The following DIS3L2 variants were observed in gnomAD, a reference collection of about 807,000 sequenced individuals.
DIS3L2 encodes the protein DIS3-like exonuclease 2.
Under a neutral mutation model 97.5 loss-of-function variants are expected in DIS3L2, and 34 were observed. The observed-to-expected ratio is 0.35, with a 90% CI of 0.27 to 0.46. DIS3L2 has a LOEUF of 0.46. Ranked by LOEUF, DIS3L2 falls within the 20% of genes least tolerant of loss-of-function variation. The pLI, the probability that DIS3L2 is intolerant of heterozygous loss-of-function variation, is 1.00. For synonymous variants in DIS3L2, 435 were observed against 445.2 expected, an observed-to-expected ratio of 0.98 and a Z score of 0.29; for missense variants, 1,038 against 1,146.0, an observed-to-expected ratio of 0.91 and a Z score of 1.36.
chr2:232,075,687 A>G (rs531003484), intron 5 of DIS3L2, among the ~76,000 whole-genome samples: 1 of 152,278 alleles, frequency 6.6e-6, no homozygotes, highest in South Asian at 2.1e-4. Context: ...CTTATATGTA[A>G]CTGCTCCTAA....
At position 232,337,081 on chromosome 2, in the gene DIS3L2, T is replaced by TCAA; in HGVS notation, c.*454_*456dup. 9.7e-7 allele frequency: 1 copy of TCAA among 1,028,858 alleles called. No individual in the cohort carries two copies. The highest frequency in any genetic ancestry group is 1.2e-6 in the Non-Finnish European group (1 of 858,852). The allele number at this position is 1,028,858 out of a possible 1,614,324, so 63.7% of individuals were successfully genotyped here. On this transcript the variant is annotated 3_prime_UTR_variant, in exon 21 of 21. Coordinates refer to ENST00000325385, the MANE Select transcript of DIS3L2 (RefSeq NM_152383.5). ...TTCACCCCTCGCTGCTGAGCCGATG[T>TCAA]CAACACCTGGAACTTTCCTGTCAGT...
At chr2:232,136,301 A>G (rs545535332) in intron 7 of DIS3L2, among the ~76,000 whole-genome samples, 171 bp from the exon 8 acceptor site, 1 of 152,304 alleles carries the variant, frequency 6.6e-6, no homozygotes, top group Admixed American at 6.5e-5. Flanking sequence ...GGTACTTCTT[A>G]CAACTTAAAT....
chr2:232,278,924 A>G (rs1202304362), intron 13 of DIS3L2, among the ~76,000 whole-genome samples: 1 of 152,036 alleles, frequency 6.6e-6, no homozygotes, highest in Non-Finnish European at 1.5e-5. Flanking sequence ...CTCATCAGCA[A>G]TTTTTTGTTT....
At position 232,249,274 on chromosome 2, in the gene DIS3L2, G is replaced by C. The variant is rs1413480231; in HGVS notation, c.1353G>C (p.Glu451Asp). The change falls in exon 12 of 21, where the codon GAG (glutamate) becomes GAC (aspartate). Residue 451 changes from glutamate to aspartate, a missense_variant. By Grantham distance (45) the Glu-to-Asp change is conservative. Around this residue, in one of 3 missense-constraint regions of DIS3L2, gnomAD observed 813 missense variants for 880.1 expected, o/e 0.92. Coordinates refer to ENST00000325385, the MANE Select transcript of DIS3L2 (RefSeq NM_152383.5). Reference sequence around the variant, plus strand: ...TGCTTCCCAGGCTGCTGTGTGAGGAGCTGTGCAGCCTCAACCCCATGTCCG... The same window carrying C: ...TGCTTCCCAGGCTGCTGTGTGAGGACCTGTGCAGCCTCAACCCCATGTCCG... ...VPMLPRLLCEELCSLNPMSDK... is the reference protein window; with the variant it reads ...VPMLPRLLCEDLCSLNPMSDK... The C allele has an allele frequency of 6.2e-7, 1 of 1,614,202 alleles. No homozygotes were observed. Among genetic ancestry groups the C allele is most frequent in the South Asian group, 1.1e-5 (1 of 91,084 alleles).
At chr2:232,215,411 C>T (rs974093197) in intron 10 of DIS3L2, among the ~76,000 whole-genome samples, 1 of 152,170 alleles carries the variant, frequency 6.6e-6, no homozygotes, top group South Asian at 2.1e-4. Flanking sequence ...TAAGTTAGAA[C>T]AGCATCCAGC....
At chr2:231,994,572 C>T (rs1693678604) in intron 1 of DIS3L2, among the ~76,000 whole-genome samples, 1 of 152,048 alleles carries the variant, frequency 6.6e-6, no homozygotes, top group African/African-American at 2.4e-5. Context: ...ACCCTCCCTG[C>T]TTTATAGTTA....
At chr2:232,343,417 C>A in exon 14 of DIS3L2, 3 of 1,555,962 alleles carry the variant, frequency 1.9e-6, no homozygotes, top group Non-Finnish European at 2.6e-6. Context: ...TGCAGAAGCA[C>A]AGCCCTCCAC....
chr2:231,988,321 A>C (rs1283391718), intron 1 of DIS3L2, among the ~76,000 whole-genome samples: 1 of 152,210 alleles, frequency 6.6e-6, no homozygotes, highest in Non-Finnish European at 1.5e-5. Flanking sequence ...ATGAATGTGG[A>C]ACTTAATTTC....
intron 8 of DIS3L2, among the ~76,000 whole-genome samples, chr2:232,141,815 CT>C (rs1418557486): frequency 6.6e-6 from 1 of 152,132 alleles, no homozygotes; most frequent in Non-Finnish European, 1.5e-5. Context: ...GAAGCAAATA[CT>C]TTTACATTCC....
At chr2:232,284,896 CAG>C (rs2106305306) in intron 13 of DIS3L2, among the ~76,000 whole-genome samples, 1 of 152,274 alleles carries the variant, frequency 6.6e-6, no homozygotes, top group Admixed American at 6.5e-5. Context: ...CTGCACACCA[CAG>C]AGAGAATGCT....
At position 232,336,601 on chromosome 2, in the gene DIS3L2, G is replaced by C. The variant is rs765768186; in HGVS notation, c.2629G>C (p.Gly877Arg). 7 of 1,607,650 alleles carry C rather than the reference G, an allele frequency of 4.4e-6. No individual in the cohort carries two copies. The highest frequency in any genetic ancestry group is 1.3e-5 in the African/African-American group (1 of 75,004). Residue 877 changes from glycine to arginine, a missense_variant, in exon 21 of 21, where the codon GGT becomes CGT. Gly to Arg is a moderately radical substitution (Grantham distance 125). Transcript: ENST00000325385. The part of the protein sequence containing the change: ...GPEKEEEESD[G>R]EPEDSSTS ...TGAGAAGGAGGAGGAGGAGTCTGAC[G>C]GTGAGCCCGAGGACTCAAGCACCAG...
intron 11 of DIS3L2, among the ~76,000 whole-genome samples, chr2:232,241,910 A>G (rs1031398993): frequency 6.6e-6 from 1 of 152,222 alleles, no homozygotes; most frequent in Non-Finnish European, 1.5e-5. Flanking sequence ...ATGTTATTTT[A>G]GGTGCGAAAC....
rs140359899 is a variant in DIS3L2 at position 232,035,133 on chromosome 2, A to T, written c.366+5053A>T. On this transcript the variant is annotated intron_variant, in intron 5 of 20. Transcript: ENST00000325385. ...TCCCACTATTATTGTGTGGGAGTCT[A>T]AGTCTCTTTATAGGTCTCTAAGAGC... 9.8e-5 allele frequency among the ~76,000 whole-genome samples: 15 copies of T among 152,324 alleles called. No individual in the cohort carries two copies. The East Asian group carries it at 2.9e-3, about 29-fold the overall frequency.
At chr2:232,202,313 G>A (rs1055177188) in intron 9 of DIS3L2, among the ~76,000 whole-genome samples, 12 of 152,256 alleles carry the variant, frequency 7.9e-5, no homozygotes, top group African/African-American at 2.6e-4. Context: ...CAGGAGAACC[G>A]CTTGAACCTG....
intron 5 of DIS3L2, among the ~76,000 whole-genome samples, chr2:232,048,100 TGTG>T (rs1483650583): frequency 1.3e-5 from 2 of 152,220 alleles, no homozygotes; most frequent in South Asian, 4.1e-4. Flanking sequence ...TATTGGGTCA[TGTG>T]GTGACTCCAT....
At chr2:232,130,150 TATA>T (rs1387421228) in intron 6 of DIS3L2, among the ~76,000 whole-genome samples, 2 of 152,192 alleles carry the variant, frequency 1.3e-5, no homozygotes, top group Non-Finnish European at 2.9e-5. Context: ...ATTTAATAAA[TATA>T]ATCTATTTTC....
chr2:232,141,508 C>G (rs1690038005), intron 8 of DIS3L2, among the ~76,000 whole-genome samples: 1 of 152,058 alleles, frequency 6.6e-6, no homozygotes, highest in African/African-American at 2.4e-5. Context: ...TAGGTCATTA[C>G]AGGCTGAGAA....
chr2:231,999,006 C>G (rs1693803291), intron 1 of DIS3L2, among the ~76,000 whole-genome samples: 1 of 152,138 alleles, frequency 6.6e-6, no homozygotes, highest in Non-Finnish European at 1.5e-5. Context: ...GCAAGATATT[C>G]TAGGCCAGGG....
At chr2:232,110,103 C>G (rs1373942692) in intron 6 of DIS3L2, among the ~76,000 whole-genome samples, 1 of 152,024 alleles carries the variant, frequency 6.6e-6, no homozygotes, top group Non-Finnish European at 1.5e-5. Flanking sequence ...TAAAAAAAAG[C>G]TCAACATCAT....
Sources: allele counts gnomAD v4.1 joint callset (sites outside exome capture counted in the v4.1 genomes callset), GRCh38; gene constraint gnomAD v4.1.1; regional missense constraint gnomAD v4.1.1; transcripts MANE v1.5; gene names NCBI Gene and HGNC (gene_info 2026-07-23, HGNC 2026-07-21).